Variants in FAM107A observed in about 807,000 individuals in gnomAD.
FAM107A encodes the protein actin-associated protein FAM107A.
Under a neutral mutation model 13.7 loss-of-function variants are expected in FAM107A, and 19 were observed. The observed-to-expected ratio is 1.38, with a 90% CI of 0.97 to 2.03. The LOEUF (loss-of-function observed/expected upper bound fraction) is 2.03. Among genes scored for constraint, FAM107A ranks in the 30% most tolerant of loss-of-function variants. FAM107A has a pLI of 0.00. For synonymous variants in FAM107A, 82 were observed against 74.5 expected (o/e 1.10, Z -0.52); for missense variants, 203 against 184.4 (o/e 1.10, Z -0.58).
chr3:58,570,451 G>A (rs2063669997), intron 1 of FAM107A: 2 of 854,376 alleles, frequency 2.3e-6, no homozygotes, highest in Non-Finnish European at 2.8e-6. Flanking sequence ...GTTGTCAAAT[G>A]TTTGGCTACT....
upstream of FAM107A, chr3:58,587,175 C>G: frequency 2.4e-6 from 3 of 1,256,876 alleles, no homozygotes; most frequent in Non-Finnish European, 3.1e-6. Context: ...CGCGGGTGAA[C>G]GTCTGCAGTG....
chr3:58,601,749 G>T (rs988822686), intron 1 of FAM107A, among the ~76,000 whole-genome samples: 5 of 152,182 alleles, frequency 3.3e-5, no homozygotes, highest in African/African-American at 1.2e-4. Flanking sequence ...CTTCTCAAAA[G>T]TACTGGATTT....
intron 1 of FAM107A, among the ~76,000 whole-genome samples, chr3:58,615,536 ATGG>A (rs367844232): frequency 3.3e-5 from 5 of 152,320 alleles, no homozygotes; most frequent in African/African-American, 1.2e-4. Flanking sequence ...GTAATTTCAG[ATGG>A]TGGTAAGCTC....
At chr3:58,625,417 T>C (rs2066004149) in intron 1 of FAM107A, among the ~76,000 whole-genome samples, 1 of 152,198 alleles carries the variant, frequency 6.6e-6, no homozygotes, top group African/African-American at 2.4e-5. Context: ...TCACCAATCA[T>C]GGAGCGGTTC....
At chr3:58,618,702 A>G (rs1260975453) in intron 1 of FAM107A, among the ~76,000 whole-genome samples, 1 of 152,204 alleles carries the variant, frequency 6.6e-6, no homozygotes, top group African/African-American at 2.4e-5. Context: ...GAAGGTGCCC[A>G]TCTTGGGCCC....
At position 58,569,486 on chromosome 3, in the gene FAM107A, C is replaced by T. The variant is rs2063658668; in HGVS notation, c.170+205G>A. On this transcript the variant is annotated intron_variant, in intron 2 of 3. Transcript: ENST00000360997. The surrounding 1 kb of genome is among the most constrained non-coding windows in gnomAD (Gnocchi z 5.7). ...TGGGTGGCTGGGCAAGAGAACAGGGCTTTTTGGTCCCTCTGGTTCCCAGGG... is the reference window on the plus strand; with the variant it reads ...TGGGTGGCTGGGCAAGAGAACAGGGTTTTTTGGTCCCTCTGGTTCCCAGGG... Among the ~76,000 whole-genome samples the T allele has an allele frequency of 6.6e-6, 1 of 152,170 alleles. No individual in the cohort carries two copies. The highest frequency in any genetic ancestry group is 1.5e-5 in the Non-Finnish European group (1 of 68,036).
At chr3:58,608,853 C>T (rs1362642693) in intron 1 of FAM107A, 2 of 152,228 alleles carry the variant, frequency 1.3e-5, no homozygotes, top group Non-Finnish European at 2.9e-5. Flanking sequence ...AGCCACTTTC[C>T]TGGTTATTCA....
chr3:58,613,270 G>A lies in FAM107A; in HGVS notation c.-70+14146C>T, dbSNP rs2108079564. On this transcript the variant is annotated intron_variant, in intron 1 of 3. Coordinates refer to the FAM107A transcript ENST00000465970. This position sits in a 1 kb window ranked among gnomAD's most constrained non-coding sequence, Gnocchi z 4.6. ...AGGAAACTGAGGCTGAGAGATCAAG[G>A]AGGTGGCCAAGGTTACAGAGCTAGT... Among the ~76,000 whole-genome samples the A allele has an allele frequency of 6.6e-6, 1 of 152,300 alleles. No individual in the cohort carries two copies. The highest frequency in any genetic ancestry group is 2.4e-5 in the African/African-American group (1 of 41,564).
At chr3:58,586,976 C>T (rs1246280971) in exon 1 of FAM107A, 2 of 1,496,954 alleles carry the variant, frequency 1.3e-6, no homozygotes, top group Non-Finnish European at 1.8e-6. Flanking sequence ...ACTGCTGGCC[C>T]CGCGAGCGCA....
At position 58,569,478 on chromosome 3, in the gene FAM107A, G is replaced by C. The variant is rs960297563; in HGVS notation, c.170+213C>G. 4.6e-5 allele frequency among the ~76,000 whole-genome samples: 7 copies of C among 152,220 alleles called. No individual in the cohort carries two copies. The highest frequency in any genetic ancestry group is 1.7e-4 in the African/African-American group (7 of 41,464). Reference sequence around the variant, plus strand: ...GCATGAAATGGGTGGCTGGGCAAGAGAACAGGGCTTTTTGGTCCCTCTGGT... The same window carrying C: ...GCATGAAATGGGTGGCTGGGCAAGACAACAGGGCTTTTTGGTCCCTCTGGT... On this transcript the variant is annotated intron_variant, in intron 2 of 3. Coordinates refer to ENST00000360997, the MANE Select transcript of FAM107A (RefSeq NM_001076778.3). This position sits in a 1 kb window ranked among gnomAD's most constrained non-coding sequence, Gnocchi z 5.7.
chr3:58,575,123 C>T (rs1031091572), intron 1 of FAM107A, among the ~76,000 whole-genome samples: 5 of 152,132 alleles, frequency 3.3e-5, no homozygotes, highest in African/African-American at 9.7e-5. Flanking sequence ...TTTCTGTCTT[C>T]GATGGCATCA....
rs567196853 is a variant in FAM107A at position 58,573,007 on chromosome 3, T to G, written c.-5-3142A>C. Among the ~76,000 whole-genome samples, 188 of 151,852 alleles carry G rather than the reference T, an allele frequency of 1.2e-3. 1 individual carries two copies. The highest frequency in any genetic ancestry group is 4.3e-3 in the African/African-American group (178 of 41,432). ...CCAGTCCTGCACCCCAGCTCCAATC[T>G]GTGGTCAGCCCTGGCTCAATGACTT... On this transcript the variant is annotated intron_variant, in intron 1 of 3. Coordinates refer to ENST00000360997, the MANE Select transcript of FAM107A (RefSeq NM_001076778.3).
chr3:58,621,068 G>C, intron 1 of FAM107A, among the ~76,000 whole-genome samples: 1 of 152,172 alleles, frequency 6.6e-6, no homozygotes, highest in Non-Finnish European at 1.5e-5. Flanking sequence ...TGGCGGCATG[G>C]TTCCCAGGGA....
intron 1 of FAM107A, among the ~76,000 whole-genome samples, chr3:58,595,820 G>T (rs1160807766): frequency 1.3e-5 from 2 of 152,170 alleles, no homozygotes; most frequent in Non-Finnish European, 2.9e-5. Flanking sequence ...AAGGCAGAGG[G>T]CTCTCTCCCT....
intron 1 of FAM107A, among the ~76,000 whole-genome samples, chr3:58,603,903 G>A (rs1283965066): frequency 6.6e-6 from 1 of 152,124 alleles, no homozygotes; most frequent in Non-Finnish European, 1.5e-5. Context: ...CTTCCTCAAG[G>A]CTCCCCAACT....
chr3:58,566,970 T>C (rs1046468019), intron 3 of FAM107A: 82 of 612,144 alleles, frequency 1.3e-4, no homozygotes, highest in Non-Finnish European at 2.2e-4. Context: ...AAGAATGAAA[T>C]CAGAATCAGC....
chr3:58,577,816 T>A, upstream of FAM107A: 24 of 644,590 alleles, frequency 3.7e-5, no homozygotes, highest in Non-Finnish European at 4.2e-5. The surrounding 1 kb of genome is among the most constrained non-coding windows in gnomAD (Gnocchi z 4.9). Context: ...GGGTGGGGTG[T>A]AAAGGGAGGG....
chr3:58,584,827 G>T (rs941893236), intron 1 of FAM107A, among the ~76,000 whole-genome samples: 1 of 152,186 alleles, frequency 6.6e-6, no homozygotes, highest in Non-Finnish European at 1.5e-5. Flanking sequence ...ACCTCTAGAG[G>T]GTATTTAAAC....
intron 1 of FAM107A, among the ~76,000 whole-genome samples, chr3:58,599,284 T>TA (rs1438120492): frequency 2.0e-5 from 3 of 152,182 alleles, no homozygotes; most frequent in African/African-American, 7.2e-5. Context: ...CAAACACCCT[T>TA]ATGCTTGCTG....
Sources: allele counts gnomAD v4.1 joint callset (sites outside exome capture counted in the v4.1 genomes callset), GRCh38; gene constraint gnomAD v4.1.1; non-coding constraint Gnocchi (gnomAD v3.1); transcripts MANE v1.5; gene names NCBI Gene and HGNC (gene_info 2026-07-23, HGNC 2026-07-21).